STON2: variants seen among roughly 807,000 people sequenced by gnomAD.
The protein encoded by STON2 is stonin 2, also known as stonin-2.
STON2 carries 29 observed loss-of-function variants against 65.7 expected under a neutral mutation model. That is an observed-to-expected ratio of 0.44 (90% CI 0.33 to 0.60). The LOEUF is 0.60. Among genes scored for constraint, STON2 ranks in the 20% least tolerant of loss-of-function variants. The pLI is 0.03. For synonymous variants in STON2, 404 were observed against 414.2 expected (o/e 0.98, Z 0.30); for missense variants, 1,054 against 1,118.1 (o/e 0.94, Z 0.82).
intron 5 of STON2, among the ~76,000 whole-genome samples, chr14:81,315,205 G>C (rs549082183): frequency 1.4e-4 from 21 of 152,326 alleles, no homozygotes; most frequent in African/African-American, 5.1e-4. Context: ...GTAAGAGAAA[G>C]TTTTTGAAAT....
intron 5 of STON2, among the ~76,000 whole-genome samples, chr14:81,318,625 C>G (rs1006950507): frequency 6.6e-6 from 1 of 152,146 alleles, no homozygotes; most frequent in Non-Finnish European, 1.5e-5. Flanking sequence ...CTGAGGCGGG[C>G]AGATCACTTG....
At chr14:81,341,446 G>GTTTTTTTTT (rs748642462) in intron 4 of STON2, among the ~76,000 whole-genome samples, 1 of 115,750 alleles carries the variant, frequency 8.6e-6, no homozygotes, top group African/African-American at 4.0e-5. Context: ...TTTTATAAGT[G>GTTTTTTTTT]TTTTTTTTTT....
At chr14:81,326,419 T>C (rs185833415) in intron 4 of STON2, among the ~76,000 whole-genome samples, 25 of 152,168 alleles carry the variant, frequency 1.6e-4, no homozygotes, top group African/African-American at 6.0e-4. Context: ...TTTTTACTGA[T>C]GATGGAAAGA....
intron 3 of STON2, among the ~76,000 whole-genome samples, chr14:81,371,462 G>A (rs950285979): frequency 7.2e-5 from 11 of 151,996 alleles, no homozygotes; most frequent in East Asian, 1.9e-4. Flanking sequence ...TTGGGAGGCT[G>A]AGGTGGGCGG....
At chr14:81,419,686 C>A (rs1595466986) in intron 2 of STON2, among the ~76,000 whole-genome samples, 1 of 152,200 alleles carries the variant, frequency 6.6e-6, no homozygotes, top group Admixed American at 6.5e-5. Context: ...GTGTTCTTCC[C>A]TCTTCCACCT....
chr14:81,413,974 G>GA (rs1306648905), intron 2 of STON2, among the ~76,000 whole-genome samples: 1 of 136,236 alleles, frequency 7.3e-6, no homozygotes, highest in Middle Eastern at 3.6e-3. Context: ...TCTTTATAAA[G>GA]AAAAAAAAAG....
At chr14:81,410,301 A>C (rs1266317172) in intron 2 of STON2, among the ~76,000 whole-genome samples, 1 of 150,518 alleles carries the variant, frequency 6.6e-6, no homozygotes, top group Non-Finnish European at 1.5e-5. Context: ...AAAAAAAAAA[A>C]AAAAAACAGA....
At chr14:81,337,382 A>G (rs1897414321) in intron 4 of STON2, among the ~76,000 whole-genome samples, 1 of 152,246 alleles carries the variant, frequency 6.6e-6, no homozygotes, top group African/African-American at 2.4e-5. Context: ...GTGATACGCC[A>G]ATGACAACAG....
At position 81,277,368 on chromosome 14, in the gene STON2, T is replaced by C. The variant is rs181153383; in HGVS notation, c.2114A>G (p.His705Arg). The C allele has an allele frequency of 2.7e-5, 43 of 1,614,148 alleles. No homozygotes were observed. In the East Asian group the frequency reaches 8.7e-4, roughly 33 times the overall value. ...KWIKLHECRF[H>R]GCVDEDVFHN... ...GAAAACATCCTCATCCACACACCCATGGAAACGGCACTCATGGAGCTTGAT... is the reference window on the plus strand; with the variant it reads ...GAAAACATCCTCATCCACACACCCACGGAAACGGCACTCATGGAGCTTGAT... The change falls in exon 6 of 8, where the codon CAT becomes CGT. Residue 705 changes from histidine to arginine, a missense_variant. Physicochemically the swap from His to Arg is conservative, Grantham distance 29. Coordinates refer to ENST00000614646, the MANE Select transcript of STON2 (RefSeq NM_001394390.1).
At position 81,277,775 on chromosome 14, in the gene STON2, G is replaced by A. The variant is rs138072514; in HGVS notation, c.1707C>T (p.Tyr569=). The A allele has an allele frequency of 5.6e-6, 9 of 1,614,018 alleles. No homozygotes were observed. Among genetic ancestry groups the A allele is most frequent in the Middle Eastern group, 1.6e-4 (1 of 6,084 alleles). Residue 569 remains tyrosine (Y), a synonymous_variant, in exon 6 of 8, where the codon TAC becomes TAT. Coordinates refer to ENST00000614646, the MANE Select transcript of STON2 (RefSeq NM_001394390.1). ...TGTGGGCCACAGCAGGTTTGGGCTG[G>A]TATTTCTTCTTCTCTTTATAGGTGA... ...DRVTYKEKKK[Y]QPKPAVAHTA...
intron 3 of STON2, among the ~76,000 whole-genome samples, chr14:81,386,041 G>C (rs995408869): frequency 6.6e-6 from 1 of 152,132 alleles, no homozygotes; most frequent in Non-Finnish European, 1.5e-5. Context: ...AACTGGCCTG[G>C]AACGGCGAGA....
chr14:81,292,656 G>A (rs966162646), intron 5 of STON2, among the ~76,000 whole-genome samples: 12 of 152,044 alleles, frequency 7.9e-5, no homozygotes, highest in East Asian at 3.9e-4. Context: ...CCCCAACCCC[G>A]CAGAACTGTA....
chr14:81,343,362 C>T (rs1318537291), intron 4 of STON2, among the ~76,000 whole-genome samples: 3 of 152,190 alleles, frequency 2.0e-5, no homozygotes, highest in Non-Finnish European at 4.4e-5. Context: ...TTTGTACAAA[C>T]AAATCAGTCC....
At chr14:81,270,624 G>A in intron 7 of STON2, 46 bp downstream of exon 7, 1 of 1,614,152 alleles carries the variant, frequency 6.2e-7, no homozygotes, top group Non-Finnish European at 8.5e-7. Flanking sequence ...GTAGTGGGGT[G>A]AACAAATGGA....
At chr14:81,396,589 C>G (rs1900335361) in intron 2 of STON2, among the ~76,000 whole-genome samples, 1 of 152,174 alleles carries the variant, frequency 6.6e-6, no homozygotes, top group Admixed American at 6.5e-5. Flanking sequence ...TGAAGACATT[C>G]AAATTCAAAT....
chr14:81,281,687 G>A, intron 5 of STON2, among the ~76,000 whole-genome samples: 1 of 152,136 alleles, frequency 6.6e-6, no homozygotes. Flanking sequence ...GAGAAAAAAA[G>A]GCCTTTGTCC....
intron 4 of STON2, among the ~76,000 whole-genome samples, chr14:81,340,277 G>A (rs1312275807): frequency 6.6e-6 from 1 of 152,234 alleles, no homozygotes; most frequent in Non-Finnish European, 1.5e-5. Context: ...AAGCAGAGCA[G>A]TGGGTGCTTA....
chr14:81,268,288 C>T lies in STON2; in HGVS notation c.*126G>A, dbSNP rs990108459. The T allele has an allele frequency of 4.1e-6, 5 of 1,214,606 alleles. No homozygotes were observed. The African/African-American group carries it at 7.9e-5, about 19-fold the overall frequency. 75.2% of individuals were successfully genotyped at this position (1,214,606 alleles called of 1,614,324 possible). On this transcript the variant is annotated 3_prime_UTR_variant, in exon 8 of 8. Transcript: ENST00000614646. ...AAACAGGAAGATCTGGTATACTGTTCCCAACATGCAGTGGCCACAGCAGGT... is the reference window on the plus strand; with the variant it reads ...AAACAGGAAGATCTGGTATACTGTTTCCAACATGCAGTGGCCACAGCAGGT...
At chr14:81,316,843 A>G (rs1459073218) in intron 5 of STON2, among the ~76,000 whole-genome samples, 1 of 151,962 alleles carries the variant, frequency 6.6e-6, no homozygotes, top group Middle Eastern at 3.2e-3. Context: ...ACATGGTGAA[A>G]CCCCGTCTCT....
Sources: gnomAD v4.1 joint callset for allele counts (sites outside exome capture counted in the v4.1 genomes callset) on GRCh38, gnomAD v4.1.1 for gene constraint, MANE v1.5 for transcripts, NCBI Gene and HGNC (gene_info 2026-07-23, HGNC 2026-07-21) for gene names.